CPQ: variants seen among roughly 807,000 people sequenced by gnomAD.
CPQ encodes carboxypeptidase Q.
In CPQ, 37 loss-of-function variants were observed where a neutral mutation model predicts 45.7. The ratio of observed to expected loss-of-function variants is 0.81; its 90% confidence interval spans 0.62 to 1.07. The LOEUF (loss-of-function observed/expected upper bound fraction) is 1.07. Ranked by LOEUF, CPQ falls within the 50% of genes least tolerant of loss-of-function variation. CPQ has a pLI of 0.00. For missense variants in CPQ, 537 were observed against 572.9 expected (o/e 0.94, Z 0.64); for synonymous variants, 186 against 205.8 (o/e 0.90, Z 0.82).
chr8:96,947,254 G>A (rs1045450622), intron 4 of CPQ, among the ~76,000 whole-genome samples: 3 of 152,122 alleles, frequency 2.0e-5, no homozygotes, highest in Admixed American at 1.3e-4. Context: ...ATGCAGTTTT[G>A]ATCAATGACT....
At chr8:97,006,958 T>C (rs1442184929) in intron 5 of CPQ, among the ~76,000 whole-genome samples, 2 of 152,064 alleles carry the variant, frequency 1.3e-5, no homozygotes, top group Non-Finnish European at 2.9e-5. Context: ...CCAAGTATAT[T>C]AGGAAAAAAT....
intron 1 of CPQ, among the ~76,000 whole-genome samples, chr8:96,695,885 A>G (rs954251422): frequency 1.3e-5 from 2 of 150,018 alleles, no homozygotes; most frequent in Non-Finnish European, 2.9e-5. Flanking sequence ...CAGTGTGGCG[A>G]TTCCTCAGGG....
chr8:96,768,288 C>CTTTT (rs71569182), intron 1 of CPQ, among the ~76,000 whole-genome samples: 1 of 143,424 alleles, frequency 7.0e-6, no homozygotes, highest in Non-Finnish European at 1.5e-5. Context: ...TGGCTTAACA[C>CTTTT]TTTTTTTTTT....
At chr8:96,953,658 T>C (rs573713706) in intron 4 of CPQ, among the ~76,000 whole-genome samples, 1 of 152,252 alleles carries the variant, frequency 6.6e-6, no homozygotes, top group East Asian at 1.9e-4. Flanking sequence ...TTATTTAGAA[T>C]AAAAAGGGAG....
At chr8:96,719,386 GC>G (rs1005060879) in intron 1 of CPQ, among the ~76,000 whole-genome samples, 2 of 152,188 alleles carry the variant, frequency 1.3e-5, no homozygotes, top group Admixed American at 6.5e-5. Context: ...CCAAGTGCGG[GC>G]CCGCCAAGCC....
chr8:96,854,302 C>T (rs1391710103), intron 3 of CPQ, among the ~76,000 whole-genome samples: 1 of 151,384 alleles, frequency 6.6e-6, no homozygotes, highest in Non-Finnish European at 1.5e-5. Context: ...GAGGCCGAGG[C>T]GGGCGGATCA....
intron 3 of CPQ, among the ~76,000 whole-genome samples, chr8:96,873,482 TTTACTC>T (rs1259301538): frequency 6.6e-6 from 1 of 151,692 alleles, no homozygotes; most frequent in Non-Finnish European, 1.5e-5. Context: ...CTTAGGTAAA[TTTACTC>T]TTAAGGTGCT....
intron 3 of CPQ, among the ~76,000 whole-genome samples, chr8:96,839,116 G>A (rs996610177): frequency 2.0e-4 from 30 of 151,090 alleles, no homozygotes; most frequent in African/African-American, 6.1e-4. Context: ...TATATATTAT[G>A]ATTTGTTGCT....
At chr8:96,813,585 A>G (rs922118228) in intron 2 of CPQ, among the ~76,000 whole-genome samples, 2 of 152,170 alleles carry the variant, frequency 1.3e-5, no homozygotes, top group African/African-American at 2.4e-5. Context: ...AGGATACCCA[A>G]CTATCAGTTT....
chr8:96,742,467 G>C lies in CPQ; in HGVS notation c.-34-42397G>C, dbSNP rs1245363316. The stretch of plus-strand genomic sequence containing the variant: ...GTGTCTTTTAATTGGAGCATTTAGT[G>C]CATTTACATTTAAAGTTAATATTGT... On this transcript the variant is annotated intron_variant, in intron 1 of 7. Transcript: ENST00000220763. Among the ~76,000 whole-genome samples the C allele has an allele frequency of 3.7e-4, 56 of 151,964 alleles. 1 individual carries two copies. The East Asian group carries it at 8.7e-3, about 24-fold the overall frequency.
At chr8:96,891,231 G>A (rs967803453) in intron 4 of CPQ, among the ~76,000 whole-genome samples, 1 of 152,184 alleles carries the variant, frequency 6.6e-6, no homozygotes, top group African/African-American at 2.4e-5. Flanking sequence ...TGGTAGTCTT[G>A]GCAGAAGCAT....
At chr8:97,038,137 A>G (rs1271609514) in intron 6 of CPQ, among the ~76,000 whole-genome samples, 1 of 152,234 alleles carries the variant, frequency 6.6e-6, no homozygotes, top group African/African-American at 2.4e-5. Flanking sequence ...GTTTTAGCCC[A>G]GTACCTTTAA....
At chr8:96,865,145 C>T (rs1049105731) in intron 3 of CPQ, among the ~76,000 whole-genome samples, 1 of 151,860 alleles carries the variant, frequency 6.6e-6, no homozygotes, top group African/African-American at 2.4e-5. Flanking sequence ...GGTGAGGGGT[C>T]ATAGCATTGG....
At chr8:96,928,330 T>C (rs865907346) in intron 4 of CPQ, among the ~76,000 whole-genome samples, 36 of 151,372 alleles carry the variant, frequency 2.4e-4, no homozygotes, top group South Asian at 1.5e-3. Flanking sequence ...CGTCAGGAAA[T>C]TCATTATTAA....
intron 2 of CPQ, among the ~76,000 whole-genome samples, chr8:96,804,134 G>A (rs964012899): frequency 6.6e-6 from 1 of 152,200 alleles, no homozygotes; most frequent in African/African-American, 2.4e-5. Flanking sequence ...AACTAGAAGA[G>A]CAAAGGCATG....
intron 2 of CPQ, among the ~76,000 whole-genome samples, chr8:96,794,909 G>T (rs1810908087): frequency 6.6e-6 from 1 of 152,088 alleles, no homozygotes; most frequent in African/African-American, 2.4e-5. Context: ...GAACACCTCA[G>T]CCTGCACTTC....
intron 1 of CPQ, among the ~76,000 whole-genome samples, chr8:96,650,262 G>A (rs1815562860): frequency 6.6e-6 from 1 of 152,066 alleles, no homozygotes. Flanking sequence ...AAATGAAAAG[G>A]GTAATGATTC....
intron 7 of CPQ, among the ~76,000 whole-genome samples, chr8:97,141,695 C>A (rs1219550917): frequency 6.6e-6 from 1 of 152,058 alleles, no homozygotes. Flanking sequence ...TTGGTAGCAG[C>A]ACGTAATAGA....
intron 1 of CPQ, among the ~76,000 whole-genome samples, chr8:96,693,964 A>G (rs1489112485): frequency 2.0e-5 from 3 of 152,182 alleles, no homozygotes; most frequent in Non-Finnish European, 2.9e-5. Flanking sequence ...AAAGTTAAGA[A>G]GCAGGGAGAC....
Sources: allele counts gnomAD v4.1 joint callset (sites outside exome capture counted in the v4.1 genomes callset), GRCh38; gene constraint gnomAD v4.1.1; transcripts MANE v1.5; gene names NCBI Gene and HGNC (gene_info 2026-07-23, HGNC 2026-07-21).